The following STK24 variants were observed in gnomAD, a reference collection of about 807,000 sequenced individuals.
STK24 encodes serine/threonine-protein kinase 24.
A neutral mutation model predicts 55.6 loss-of-function variants in STK24; 21 were observed. The ratio of observed to expected loss-of-function variants is 0.38; its 90% CI spans 0.27 to 0.54. STK24 has a LOEUF of 0.54. Ranked by LOEUF, STK24 falls within the 20% of genes least tolerant of loss-of-function variation. STK24 has a pLI of 0.79. For missense variants in STK24, 383 were observed against 538.4 expected, an observed-to-expected ratio of 0.71 and a Z score of 2.86; for synonymous variants, 200 against 215.2, an observed-to-expected ratio of 0.93 and a Z score of 0.62.
chr13:98,562,822 A>G (rs951662667), intron 1 of STK24, among the ~76,000 whole-genome samples: 3 of 151,568 alleles, frequency 2.0e-5, no homozygotes, highest in Admixed American at 2.0e-4. Context: ...AGGCTGAGGC[A>G]GGAGAACCAC....
Position 98,534,252 on chromosome 13 carries a change from G to A in STK24, c.43-14779C>T, listed in dbSNP as rs1006966709. Among the ~76,000 whole-genome samples, 11 of 152,304 alleles carry A rather than the reference G, an allele frequency of 7.2e-5. No individual in the cohort carries two copies. In the East Asian group the frequency reaches 7.7e-4, roughly 11 times the overall value. On this transcript the variant is annotated intron_variant, in intron 1 of 10. Transcript: ENST00000539966. ...TCCCTGGCTCAAAGACGAGGCCTGC[G>A]GTTTGAGATGACAATGAAACTGCCT...
intron 2 of STK24, among the ~76,000 whole-genome samples, chr13:98,497,481 A>C (rs1406453733): frequency 6.6e-6 from 1 of 152,224 alleles, no homozygotes; most frequent in Non-Finnish European, 1.5e-5. Context: ...TACAGTGACG[A>C]TGCCCTAGTG....
At chr13:98,530,117 GCA>G (rs5806067) in intron 1 of STK24, among the ~76,000 whole-genome samples, 135,840 of 151,560 alleles carry the variant, frequency 0.9, 61,228 homozygotes, top group Non-Finnish European at 0.94. Flanking sequence ...ACACACACAC[GCA>G]CACACACACA....
intron 1 of STK24, among the ~76,000 whole-genome samples, chr13:98,540,364 A>C (rs1896854923): frequency 6.6e-6 from 1 of 152,188 alleles, no homozygotes; most frequent in African/African-American, 2.4e-5. Flanking sequence ...AATATGTATC[A>C]ATAAAGCTGT....
intron 9 of STK24, among the ~76,000 whole-genome samples, chr13:98,457,562 T>A (rs3783007): frequency 6.7e-6 from 1 of 150,256 alleles, no homozygotes. Context: ...CTCCGCCTCC[T>A]GGGTTCCAGC....
intron 1 of STK24, among the ~76,000 whole-genome samples, chr13:98,556,549 A>G (rs921322196): frequency 6.7e-6 from 1 of 148,366 alleles, no homozygotes; most frequent in African/African-American, 2.5e-5. Flanking sequence ...AAATCACTGT[A>G]ACACAATGAG....
intron 2 of STK24, among the ~76,000 whole-genome samples, chr13:98,494,505 A>G (rs1462954017): frequency 6.6e-6 from 1 of 151,944 alleles, no homozygotes. Context: ...TTTCAAATGC[A>G]TGGGTGACAA....
intron 1 of STK24, among the ~76,000 whole-genome samples, chr13:98,558,453 A>G (rs1897330515): frequency 6.6e-6 from 1 of 152,164 alleles, no homozygotes; most frequent in Non-Finnish European, 1.5e-5. Flanking sequence ...GGGCACTACA[A>G]TGGAGAAGGG....
chr13:98,531,321 G>C (rs1231401553), intron 1 of STK24, among the ~76,000 whole-genome samples: 1 of 152,138 alleles, frequency 6.6e-6, no homozygotes, highest in African/African-American at 2.4e-5. Context: ...AAGGCCAATG[G>C]AAAGTTTATA....
intron 1 of STK24, chr13:98,522,222 G>A (rs1200399912): frequency 1.6e-5 from 7 of 425,766 alleles, no homozygotes; most frequent in Non-Finnish European, 2.2e-5. Context: ...AGTCCCTCTA[G>A]TTCCAGAAGG....
chr13:98,446,264 AG>A lies in STK24; in HGVS notation c.*6908del, dbSNP rs1183243987. 2.7e-6 allele frequency: 3 copies of A among 1,110,628 alleles called. No homozygotes were observed. The highest frequency in any genetic ancestry group is 4.1e-6 in the Non-Finnish European group (3 of 732,688). 68.8% of individuals were successfully genotyped at this position (1,110,628 alleles called of 1,614,324 possible). Reference sequence around the variant, plus strand: ...ACCTTGGGGGTGGCAGCATGAGGTGAGGGGGCCGCCCTCCTCTGGAATGACT... The same window carrying A: ...ACCTTGGGGGTGGCAGCATGAGGTGAGGGGCCGCCCTCCTCTGGAATGACT... On this transcript the variant is annotated 3_prime_UTR_variant, in exon 11 of 11. Coordinates refer to ENST00000539966, the MANE Select transcript of STK24 (RefSeq NM_001032296.4).
intron 1 of STK24, among the ~76,000 whole-genome samples, chr13:98,555,503 C>T (rs9513446): frequency 6.6e-6 from 1 of 150,822 alleles, no homozygotes; most frequent in African/African-American, 2.4e-5. Context: ...GGCATGAACC[C>T]GGGAGGCGGA....
intron 2 of STK24, among the ~76,000 whole-genome samples, chr13:98,517,117 GGT>G: frequency 6.6e-6 from 1 of 152,140 alleles, no homozygotes; most frequent in Non-Finnish European, 1.5e-5. Flanking sequence ...AATATTAGCT[GGT>G]ATAAATCACC....
intron 1 of STK24, among the ~76,000 whole-genome samples, chr13:98,574,936 A>T (rs1210429280): frequency 6.6e-6 from 1 of 152,200 alleles, no homozygotes; most frequent in East Asian, 1.9e-4. Flanking sequence ...CACCAGCCAA[A>T]GGGGCTTTAG....
chr13:98,447,130 T>C lies in STK24; in HGVS notation c.*6043A>G. 3.3e-6 allele frequency: 1 copy of C among 301,072 alleles called. No individual in the cohort carries two copies. Among genetic ancestry groups the C allele is most frequent in the Non-Finnish European group, 6.3e-6 (1 of 159,050 alleles). The allele number at this position is 301,072 out of a possible 1,614,324, so 18.7% of individuals were successfully genotyped here. On this transcript the variant is annotated 3_prime_UTR_variant, in exon 11 of 11. Transcript: ENST00000539966. ...CAGTGAGACTGCCTACATGGTGTAATGGCAGGGACTGCAGACTTCATTTAG... is the reference window on the plus strand; with the variant it reads ...CAGTGAGACTGCCTACATGGTGTAACGGCAGGGACTGCAGACTTCATTTAG...
chr13:98,550,015 A>C (rs897658220), intron 1 of STK24, among the ~76,000 whole-genome samples: 1 of 152,202 alleles, frequency 6.6e-6, no homozygotes, highest in African/African-American at 2.4e-5. Flanking sequence ...TTTCCACAAG[A>C]ATCTCACTTC....
chr13:98,538,821 G>A (rs1196034033), intron 1 of STK24, among the ~76,000 whole-genome samples: 1 of 152,100 alleles, frequency 6.6e-6, no homozygotes, highest in African/African-American at 2.4e-5. Context: ...CCACACTCAG[G>A]CCCTGGTGTC....
chr13:98,515,157 T>C (rs1253028531), intron 2 of STK24, among the ~76,000 whole-genome samples: 1 of 150,628 alleles, frequency 6.6e-6, no homozygotes, highest in African/African-American at 2.4e-5. Flanking sequence ...TTGCAAATGG[T>C]GCACAGAGAA....
At chr13:98,529,630 A>G (rs1896528758) in intron 1 of STK24, among the ~76,000 whole-genome samples, 1 of 152,154 alleles carries the variant, frequency 6.6e-6, no homozygotes, top group Non-Finnish European at 1.5e-5. Flanking sequence ...CAAGGTGACA[A>G]AATTTGACTG....
Sources: gnomAD v4.1 joint callset for allele counts (sites outside exome capture counted in the v4.1 genomes callset) on GRCh38, gnomAD v4.1.1 for gene constraint, MANE v1.5 for transcripts, NCBI Gene and HGNC (gene_info 2026-07-23, HGNC 2026-07-21) for gene names.